The following LDLRAD3 variants were observed in gnomAD, a reference collection of about 807,000 sequenced individuals.
LDLRAD3 encodes low density lipoprotein receptor class A domain containing 3.
LDLRAD3 carries 20 observed loss-of-function variants against 29.4 expected under a neutral mutation model. That is an observed-to-expected ratio of 0.68 (90% CI 0.48 to 0.99). The LOEUF (loss-of-function observed/expected upper bound fraction) is 0.99. Among genes scored for constraint, LDLRAD3 ranks in the 50% least tolerant of loss-of-function variants. LDLRAD3 has a pLI of 0.00. For synonymous variants in LDLRAD3, 157 were observed against 192.7 expected, an observed-to-expected ratio of 0.81 and a Z score of 1.53; for missense variants, 420 against 454.3, an observed-to-expected ratio of 0.92 and a Z score of 0.69.
chr11:36,057,320 G>A (rs983410123), intron 2 of LDLRAD3, among the ~76,000 whole-genome samples: 7 of 151,144 alleles, frequency 4.6e-5, no homozygotes, highest in African/African-American at 1.5e-4. Flanking sequence ...ATCCTGTTTC[G>A]CCGGGGGAGC....
At chr11:36,064,919 G>A (rs1057022632) in intron 2 of LDLRAD3, among the ~76,000 whole-genome samples, 4 of 152,076 alleles carry the variant, frequency 2.6e-5, no homozygotes, top group Non-Finnish European at 5.9e-5. Flanking sequence ...ACTGTATTGA[G>A]GTTTGTTTTA....
intron 4 of LDLRAD3, among the ~76,000 whole-genome samples, chr11:36,125,960 T>C (rs948151272): frequency 6.6e-6 from 1 of 152,194 alleles, no homozygotes; most frequent in Non-Finnish European, 1.5e-5. Context: ...TGTAGGCTTA[T>C]GCTGGGACCC....
intron 1 of LDLRAD3, among the ~76,000 whole-genome samples, chr11:35,951,035 A>C (rs1019313778): frequency 6.6e-6 from 1 of 152,104 alleles, no homozygotes; most frequent in Admixed American, 6.5e-5. Context: ...GTGAGCCGAG[A>C]TCGTGCCACT....
At chr11:36,207,656 C>G (rs1299533500) in intron 4 of LDLRAD3, among the ~76,000 whole-genome samples, 1 of 151,796 alleles carries the variant, frequency 6.6e-6, no homozygotes, top group Non-Finnish European at 1.5e-5. Flanking sequence ...TATTGAAGGG[C>G]TTGTATCCAC....
chr11:36,038,796 G>C (rs1852338730), intron 2 of LDLRAD3, among the ~76,000 whole-genome samples: 3 of 152,008 alleles, frequency 2.0e-5, no homozygotes, highest in African/African-American at 4.8e-5. Flanking sequence ...TTAGTCCTTT[G>C]AGCAAAACAT....
At chr11:36,129,255 T>TAAAACA (rs1444208926) in intron 4 of LDLRAD3, among the ~76,000 whole-genome samples, 2 of 151,856 alleles carry the variant, frequency 1.3e-5, no homozygotes, top group African/African-American at 4.9e-5. Flanking sequence ...AAGTCCTTTC[T>TAAAACA]AAAACAAAAA....
At chr11:35,972,018 A>G (rs1193749656) in intron 1 of LDLRAD3, among the ~76,000 whole-genome samples, 1 of 152,146 alleles carries the variant, frequency 6.6e-6, no homozygotes, top group African/African-American at 2.4e-5. Context: ...AGTTGTCAGT[A>G]AGATGTTCTC....
intron 4 of LDLRAD3, among the ~76,000 whole-genome samples, chr11:36,199,091 G>A (rs145874724): frequency 0.014 from 2,150 of 152,102 alleles, 48 homozygotes; most frequent in African/African-American, 0.046. Flanking sequence ...TAGTAGAGAC[G>A]GGGTTTCACC....
intron 1 of LDLRAD3, among the ~76,000 whole-genome samples, chr11:35,970,430 C>T (rs557838146): frequency 6.6e-6 from 1 of 152,270 alleles, no homozygotes; most frequent in East Asian, 1.9e-4. Flanking sequence ...TGCCAGCAAC[C>T]TCCAGAAGCC....
At chr11:36,138,199 T>C (rs1304334325) in intron 4 of LDLRAD3, among the ~76,000 whole-genome samples, 1 of 152,236 alleles carries the variant, frequency 6.6e-6, no homozygotes, top group Admixed American at 6.5e-5. Flanking sequence ...GTTCAAATCC[T>C]GACTCTCACC....
At chr11:36,223,079 C>T (rs1278956372) in intron 4 of LDLRAD3, among the ~76,000 whole-genome samples, 1 of 152,180 alleles carries the variant, frequency 6.6e-6, no homozygotes, top group Non-Finnish European at 1.5e-5. Context: ...ATTTGGCCAG[C>T]AGGCTCATTA....
chr11:36,101,239 G>A (rs1293839613), intron 4 of LDLRAD3, among the ~76,000 whole-genome samples: 2 of 152,196 alleles, frequency 1.3e-5, no homozygotes, highest in Admixed American at 6.5e-5. Context: ...ACTTGTGGAA[G>A]GCATTGCTGT....
chr11:35,949,289 A>T (rs931915211), intron 1 of LDLRAD3, among the ~76,000 whole-genome samples: 1 of 152,158 alleles, frequency 6.6e-6, no homozygotes, highest in Non-Finnish European at 1.5e-5. Context: ...AAAGCAGGTG[A>T]TAGGCAGGTG....
chr11:36,170,498 TC>T (rs1282332384), intron 4 of LDLRAD3, among the ~76,000 whole-genome samples: 1 of 152,034 alleles, frequency 6.6e-6, no homozygotes, highest in African/African-American at 2.4e-5. Flanking sequence ...TATAATGACT[TC>T]TTTTCCTCTG....
intron 4 of LDLRAD3, among the ~76,000 whole-genome samples, chr11:36,220,313 C>T (rs966835572): frequency 4.6e-5 from 7 of 152,082 alleles, no homozygotes; most frequent in African/African-American, 1.7e-4. Flanking sequence ...ACATATGCTT[C>T]CCATATGACC....
intron 1 of LDLRAD3, among the ~76,000 whole-genome samples, chr11:36,015,658 C>A (rs1263613968): frequency 6.6e-6 from 1 of 151,702 alleles, no homozygotes; most frequent in Non-Finnish European, 1.5e-5. Context: ...TCCATCCTCC[C>A]CCTGCCCCCC....
chr11:36,229,043 A>T, intron 5 of LDLRAD3, 117 bp from the exon 6 acceptor site: 1 of 738,906 alleles, frequency 1.4e-6, no homozygotes, highest in Non-Finnish European at 2.4e-6. Flanking sequence ...GAAAAATCTC[A>T]TTTCGCACTG....
intron 4 of LDLRAD3, among the ~76,000 whole-genome samples, chr11:36,115,105 A>C (rs1293777111): frequency 6.6e-6 from 1 of 152,022 alleles, no homozygotes; most frequent in Admixed American, 6.6e-5. Flanking sequence ...ATTGTGAGGA[A>C]GCCCGAACTA....
chr11:36,165,925 C>G (rs866361318), intron 4 of LDLRAD3, among the ~76,000 whole-genome samples: 288 of 150,328 alleles, frequency 1.9e-3, no homozygotes, highest in African/African-American at 6.7e-3. Flanking sequence ...TATTTCTTTT[C>G]TAGGCTGACT....
Sources: gnomAD v4.1 joint callset for allele counts (sites outside exome capture counted in the v4.1 genomes callset) on GRCh38, gnomAD v4.1.1 for gene constraint, MANE v1.5 for transcripts, NCBI Gene and HGNC (gene_info 2026-07-23, HGNC 2026-07-21) for gene names.